FRMD4B: variants seen among roughly 807,000 people sequenced by gnomAD.
FRMD4B encodes FERM domain containing 4B.
In FRMD4B, 74 loss-of-function variants were observed where a neutral mutation model predicts 141.5. The ratio of observed to expected loss-of-function variants is 0.52; its 90% CI spans 0.43 to 0.63. The LOEUF (loss-of-function observed/expected upper bound fraction) is 0.63, where lower values mean the gene tolerates loss of function less well. Among genes scored for constraint, FRMD4B ranks in the 30% least tolerant of loss-of-function variants. The probability of loss-of-function intolerance (pLI) is 0.00; values close to 1 mark genes in which losing one functional copy is unlikely to be tolerated. For synonymous variants in FRMD4B, 506 were observed against 467.9 expected, an observed-to-expected ratio of 1.08 and a Z score of -1.05; for missense variants, 1,366 against 1,253.4, an observed-to-expected ratio of 1.09 and a Z score of -1.36.
chr3:69,485,314 G>A (rs1483102909), intron 1 of FRMD4B, among the ~76,000 whole-genome samples: 2 of 152,320 alleles, frequency 1.3e-5, no homozygotes, highest in South Asian at 2.1e-4. Context: ...AGGGCAAGTG[G>A]GGCCTTTGAG....
chr3:69,486,837 C>T (rs974593772), intron 1 of FRMD4B, among the ~76,000 whole-genome samples: 3 of 152,116 alleles, frequency 2.0e-5, no homozygotes, highest in Non-Finnish European at 4.4e-5. Flanking sequence ...TTTCTGCTTG[C>T]CAGAATAATT....
In FRMD4B at chr3:69,198,393, C is replaced by T. The variant is rs2092930053; in HGVS notation, c.953+305G>A. The T allele has an allele frequency of 1.4e-5, 4 of 291,498 alleles. No individual in the cohort carries two copies. The South Asian group carries it at 2.1e-4, about 15-fold the overall frequency. The allele number at this position is 291,498 out of a possible 1,614,324, so 18.1% of individuals were successfully genotyped here. On this transcript the variant is annotated intron_variant, in intron 12 of 22. Transcript: ENST00000398540. ...CACAAGAAGGTACCACTTCAACCCA[C>T]TAGGATGGCATAAACTATACATGCA...
At chr3:69,524,784 T>A (rs1700908444) in intron 1 of FRMD4B, among the ~76,000 whole-genome samples, 1 of 152,212 alleles carries the variant, frequency 6.6e-6, no homozygotes, top group Non-Finnish European at 1.5e-5. Flanking sequence ...TAGGCAGAGC[T>A]TGGTCACATG....
intron 1 of FRMD4B, among the ~76,000 whole-genome samples, chr3:69,521,479 A>G (rs1700854603): frequency 6.6e-6 from 1 of 152,198 alleles, no homozygotes; most frequent in African/African-American, 2.4e-5. Flanking sequence ...TACTAATTGC[A>G]TTCATCATTT....
chr3:69,383,275 T>C (rs963180277), intron 1 of FRMD4B, among the ~76,000 whole-genome samples: 3 of 152,248 alleles, frequency 2.0e-5, no homozygotes, highest in Non-Finnish European at 2.9e-5. Flanking sequence ...CTTTTTCACT[T>C]AATATTTGAA....
At chr3:69,472,261 C>T in intron 1 of FRMD4B, 1 of 338,406 alleles carries the variant, frequency 3.0e-6, no homozygotes, top group Non-Finnish European at 5.9e-6. Context: ...TCCAGCCTTC[C>T]TTGTTGGCTG....
chr3:69,341,697 T>C (rs1412391409), intron 1 of FRMD4B, among the ~76,000 whole-genome samples: 3 of 152,186 alleles, frequency 2.0e-5, no homozygotes. Context: ...AGGCAAGGCC[T>C]TTAGGAGGTG....
In FRMD4B at chr3:69,298,665, C is replaced by T. The variant is rs539956860; in HGVS notation, c.416+3678G>A. Among the ~76,000 whole-genome samples, 5 of 152,318 alleles carry T rather than the reference C, an allele frequency of 3.3e-5. No individual in the cohort carries two copies. In the East Asian group the frequency reaches 7.7e-4, roughly 24 times the overall value. On this transcript the variant is annotated intron_variant, in intron 4 of 22. Coordinates refer to ENST00000398540, the MANE Select transcript of FRMD4B (RefSeq NM_015123.3). ...TTCTGTGCACCTGCTGTTCCCCTGG[C>T]CTGGAAGAAACTTCCTCAGAAATGG...
intron 7 of FRMD4B, among the ~76,000 whole-genome samples, chr3:69,246,752 G>A (rs1281949674): frequency 6.6e-6 from 1 of 152,162 alleles, no homozygotes; most frequent in African/African-American, 2.4e-5. Context: ...AGTGTAGTTT[G>A]GACAATTTCA....
intron 1 of FRMD4B, among the ~76,000 whole-genome samples, chr3:69,485,158 G>A (rs764436529): frequency 1.3e-5 from 2 of 152,206 alleles, no homozygotes; most frequent in Non-Finnish European, 2.9e-5. Flanking sequence ...GCAGGGGGCT[G>A]GCATGTCAGC....
chr3:69,475,735 C>A (rs1705983738), intron 1 of FRMD4B, among the ~76,000 whole-genome samples: 1 of 150,406 alleles, frequency 6.6e-6, no homozygotes, highest in Non-Finnish European at 1.5e-5. Context: ...AATGGGATGG[C>A]TGGGTCAAAT....
intron 1 of FRMD4B, among the ~76,000 whole-genome samples, chr3:69,532,760 T>C (rs1302945248): frequency 6.6e-6 from 1 of 152,248 alleles, no homozygotes; most frequent in Non-Finnish European, 1.5e-5. Flanking sequence ...TTGCAAAGAC[T>C]GAATTGATGG....
chr3:69,480,961 A>C (rs1213267745), intron 1 of FRMD4B, among the ~76,000 whole-genome samples: 1 of 152,144 alleles, frequency 6.6e-6, no homozygotes, highest in Non-Finnish European at 1.5e-5. Flanking sequence ...GTTTGATCTC[A>C]GACTGCTGTG....
intron 2 of FRMD4B, among the ~76,000 whole-genome samples, chr3:69,431,692 A>C (rs143709921): frequency 3.3e-5 from 5 of 152,118 alleles, no homozygotes. Flanking sequence ...TTTGACCACA[A>C]TTATGCAAGT....
At chr3:69,370,729 T>C (rs1272913648) in intron 1 of FRMD4B, among the ~76,000 whole-genome samples, 3 of 152,218 alleles carry the variant, frequency 2.0e-5, no homozygotes, top group Non-Finnish European at 2.9e-5. Flanking sequence ...CTCCTCCAAA[T>C]GCTTGGTGTC....
At chr3:69,353,162 T>C (rs1296283287) in intron 1 of FRMD4B, among the ~76,000 whole-genome samples, 1 of 151,758 alleles carries the variant, frequency 6.6e-6, no homozygotes, top group Admixed American at 6.6e-5. Context: ...TGGAATTACA[T>C]ACTTCATATT....
At position 69,236,719 on chromosome 3, in the gene FRMD4B, G is replaced by A. The variant is rs553736080; in HGVS notation, c.582-12029C>T. On this transcript the variant is annotated intron_variant, in intron 7 of 22. Coordinates refer to ENST00000398540, the MANE Select transcript of FRMD4B (RefSeq NM_015123.3). ...TTTATACTGATTCAAAAAGCTCAGA[G>A]TAAGATCTCTACCCTGGATGAGTTA... Among the ~76,000 whole-genome samples the A allele has an allele frequency of 3.3e-5, 5 of 152,284 alleles. No homozygotes were observed. The South Asian group carries it at 1.0e-3, about 32-fold the overall frequency.
chr3:69,457,041 C>CGTGTGT (rs532828341), intron 1 of FRMD4B, among the ~76,000 whole-genome samples: 1 of 151,088 alleles, frequency 6.6e-6, no homozygotes, highest in African/African-American at 2.4e-5. Context: ...CACACACAAA[C>CGTGTGT]GTGTGTGTGT....
At chr3:69,205,284 C>T (rs1340289309) in intron 11 of FRMD4B, among the ~76,000 whole-genome samples, 1 of 151,554 alleles carries the variant, frequency 6.6e-6, no homozygotes, top group African/African-American at 2.4e-5. Flanking sequence ...CCTCTGATCT[C>T]GACCTTCTGA....
Sources: gnomAD v4.1 joint callset for allele counts (sites outside exome capture counted in the v4.1 genomes callset) on GRCh38, gnomAD v4.1.1 for gene constraint, MANE v1.5 for transcripts, NCBI Gene and HGNC (gene_info 2026-07-23, HGNC 2026-07-21) for gene names.